The following ARHGEF37 variants were observed in gnomAD, a reference collection of about 807,000 sequenced individuals.
The protein encoded by ARHGEF37 is Rho guanine nucleotide exchange factor (GEF) 37.
In ARHGEF37, 55 loss-of-function variants were observed where a neutral mutation model predicts 71.1. The ratio of observed to expected loss-of-function variants is 0.77; its 90% CI spans 0.62 to 0.97. The LOEUF is 0.97. Ranked by LOEUF, ARHGEF37 falls within the 50% of genes least tolerant of loss-of-function variation. ARHGEF37 has a pLI of 0.00. For synonymous variants in ARHGEF37, 327 were observed against 350.6 expected, an observed-to-expected ratio of 0.93 and a Z score of 0.75; for missense variants, 765 against 836.8, an observed-to-expected ratio of 0.91 and a Z score of 1.06.
rs751625181 is a variant in ARHGEF37, at chr5:149,618,028, A to G, written c.659-148A>G. 2.4e-5 allele frequency: 28 copies of G among 1,168,548 alleles called. No individual in the cohort carries two copies. In the Middle Eastern group the frequency reaches 6.1e-4, roughly 25 times the overall value. 72.4% of individuals were successfully genotyped at this position (1,168,548 alleles called of 1,614,324 possible). On this transcript the variant is annotated intron_variant, in intron 5 of 12. Transcript: ENST00000333677. ...GCTCACACCTCAGACAGAGGACCCT[A>G]TGCTTTTCCTGTGTGACTCACTAAC...
At chr5:149,565,649 A>C (rs1468123380) in intron 1 of ARHGEF37, among the ~76,000 whole-genome samples, 2 of 152,268 alleles carry the variant, frequency 1.3e-5, no homozygotes, top group South Asian at 2.1e-4. Flanking sequence ...TGGACCAGTC[A>C]CTGCACTAAG....
At chr5:149,579,962 C>T (rs1212844641), upstream of ARHGEF37, among the ~76,000 whole-genome samples, 1 of 152,208 alleles carries the variant, frequency 6.6e-6, no homozygotes, top group African/African-American at 2.4e-5. Flanking sequence ...CATCTCCTTA[C>T]AGCTTTCTGC....
At chr5:149,575,815 G>C (rs1470434245) in intron 1 of ARHGEF37, among the ~76,000 whole-genome samples, 6 of 151,620 alleles carry the variant, frequency 4.0e-5, no homozygotes, top group Non-Finnish European at 7.4e-5. Context: ...CTAAGTAGCT[G>C]GGCAGATTGC....
At chr5:149,611,133 G>A (rs1373622610) in intron 4 of ARHGEF37, among the ~76,000 whole-genome samples, 1 of 152,178 alleles carries the variant, frequency 6.6e-6, no homozygotes, top group Admixed American at 6.5e-5. Flanking sequence ...TAAGGGCTGT[G>A]GGGAGGGCTT....
At chr5:149,615,692 C>T (rs1752357247) in intron 4 of ARHGEF37, among the ~76,000 whole-genome samples, 1 of 151,892 alleles carries the variant, frequency 6.6e-6, no homozygotes, top group South Asian at 2.1e-4. Context: ...GAGATTGAGA[C>T]CATCCTGGCC....
intron 1 of ARHGEF37, among the ~76,000 whole-genome samples, chr5:149,559,683 T>C (rs903038026): frequency 6.6e-6 from 1 of 152,258 alleles, no homozygotes; most frequent in Non-Finnish European, 1.5e-5. Flanking sequence ...TGTTTTGATA[T>C]AGTTTGTGGT....
intron 1 of ARHGEF37, among the ~76,000 whole-genome samples, chr5:149,591,098 G>C (rs1763392986): frequency 6.6e-6 from 1 of 151,546 alleles, no homozygotes; most frequent in Non-Finnish European, 1.5e-5. Flanking sequence ...GTCTCTCTCT[G>C]ATGCCCAGGC....
chr5:149,596,795 C>T (rs1763560985), intron 1 of ARHGEF37, among the ~76,000 whole-genome samples: 4 of 152,076 alleles, frequency 2.6e-5, no homozygotes, highest in South Asian at 4.2e-4. Context: ...TGGAGAAGAG[C>T]GCTCAACTCT....
At chr5:149,569,059 G>A (rs1049776707) in intron 1 of ARHGEF37, among the ~76,000 whole-genome samples, 13 of 151,928 alleles carry the variant, frequency 8.6e-5, no homozygotes, top group African/African-American at 2.9e-4. Flanking sequence ...CATTCATGTT[G>A]TTGTATACAT....
intron 4 of ARHGEF37, among the ~76,000 whole-genome samples, chr5:149,610,184 G>A (rs1580919198): frequency 6.6e-6 from 1 of 152,194 alleles, no homozygotes. Flanking sequence ...AAGCGGAAAC[G>A]TTTGGGAACA....
At chr5:149,556,398 T>TTATTTATC (rs1385457329) in intron 1 of ARHGEF37, among the ~76,000 whole-genome samples, 3 of 151,512 alleles carry the variant, frequency 2.0e-5, no homozygotes, top group Admixed American at 1.3e-4. Flanking sequence ...ATTTATTTAT[T>TTATTTATC]TATTTTGAGA....
chr5:149,586,215 T>G (rs1482444223), intron 1 of ARHGEF37, among the ~76,000 whole-genome samples: 1 of 148,650 alleles, frequency 6.7e-6, no homozygotes, highest in Non-Finnish European at 1.5e-5. Flanking sequence ...GTGATAGACT[T>G]GTCTGGGTTT....
intron 12 of ARHGEF37, among the ~76,000 whole-genome samples, chr5:149,630,096 G>A (rs1752836274): frequency 6.6e-6 from 1 of 152,132 alleles, no homozygotes; most frequent in South Asian, 2.1e-4. Context: ...AAAATGTTCT[G>A]GAATTAGATA....
intron 9 of ARHGEF37, 95 bp from the exon 10 acceptor site, chr5:149,623,917 C>T: frequency 1.4e-6 from 2 of 1,473,274 alleles, no homozygotes; most frequent in South Asian, 1.4e-5. Context: ...TCACTCAGAA[C>T]TCCTTGGGTT....
intron 1 of ARHGEF37, among the ~76,000 whole-genome samples, chr5:149,596,230 T>C (rs1250551467): frequency 6.6e-6 from 1 of 152,196 alleles, no homozygotes; most frequent in African/African-American, 2.4e-5. Context: ...AAGTTTATTA[T>C]AACTGATCTA....
chr5:149,562,933 C>G (rs545552331), intron 1 of ARHGEF37, among the ~76,000 whole-genome samples: 13 of 152,228 alleles, frequency 8.5e-5, no homozygotes, highest in South Asian at 2.1e-4. Context: ...CCCCCTCCCC[C>G]CTTGGCTCAT....
chr5:149,560,405 C>T (rs1191153969), intron 1 of ARHGEF37, among the ~76,000 whole-genome samples: 1 of 152,198 alleles, frequency 6.6e-6, no homozygotes, highest in African/African-American at 2.4e-5. Context: ...TGAGCCACCA[C>T]ACCTGGCCTA....
At chr5:149,624,338 T>C (rs1184652238) in intron 10 of ARHGEF37, among the ~76,000 whole-genome samples, 198 bp downstream of exon 10, 1 of 152,112 alleles carries the variant, frequency 6.6e-6, no homozygotes, top group African/African-American at 2.4e-5. Context: ...ACTCTTTACA[T>C]CCAAGAAGTA....
In ARHGEF37 at chr5:149,633,901, G is replaced by A. The variant is rs1450177483; in HGVS notation, c.*1710G>A. On this transcript the variant is annotated 3_prime_UTR_variant, in exon 13 of 13. Coordinates refer to ENST00000333677, the MANE Select transcript of ARHGEF37 (RefSeq NM_001001669.3). ...TCCTTTCTCAGCAGCGAATTCACTT[G>A]AGAGGATGCTCTTGACTCATTCTCT... 1 of 152,224 alleles carries A rather than the reference G, an allele frequency of 6.6e-6. No homozygotes were observed. The highest frequency in any genetic ancestry group is 2.4e-5 in the African/African-American group (1 of 41,452). 9.4% of individuals were successfully genotyped at this position (152,224 alleles called of 1,614,324 possible). A position where few individuals can be genotyped will look rare whatever the true frequency, so the allele number is the denominator to read the frequency against.
Sources: gnomAD v4.1 joint callset for allele counts (sites outside exome capture counted in the v4.1 genomes callset) on GRCh38, gnomAD v4.1.1 for gene constraint, MANE v1.5 for transcripts, NCBI Gene and HGNC (gene_info 2026-07-23, HGNC 2026-07-21) for gene names.